VAT1L: variants seen among roughly 807,000 people sequenced by gnomAD.
VAT1L encodes putative NADPH-dependent quinone oxidoreductase VAT1L.
In VAT1L, 34 loss-of-function variants were observed where a neutral mutation model predicts 44.1. The ratio of observed to expected loss-of-function variants is 0.77; its 90% CI spans 0.59 to 1.03. The LOEUF (loss-of-function observed/expected upper bound fraction) is 1.03, where lower values mean the gene tolerates loss of function less well. Among genes scored for constraint, VAT1L ranks in the 50% least tolerant of loss-of-function variants. The pLI is 0.00. For synonymous variants in VAT1L, 253 were observed against 202.2 expected, an observed-to-expected ratio of 1.25 and a Z score of -2.13; for missense variants, 615 against 538.8, an observed-to-expected ratio of 1.14 and a Z score of -1.40.
chr16:77,827,818 C>A (rs919484574), intron 3 of VAT1L, among the ~76,000 whole-genome samples: 2 of 152,124 alleles, frequency 1.3e-5, no homozygotes, highest in Non-Finnish European at 2.9e-5. Context: ...TGGTGAAATG[C>A]AATAAACATC....
chr16:77,811,953 A>T (rs567378605), intron 1 of VAT1L, among the ~76,000 whole-genome samples: 1 of 152,164 alleles, frequency 6.6e-6, no homozygotes, highest in Non-Finnish European at 1.5e-5. Context: ...CAAACAGACG[A>T]TGAGAGCTGG....
chr16:77,911,830 G>A (rs1028182193), intron 7 of VAT1L, among the ~76,000 whole-genome samples: 22 of 152,220 alleles, frequency 1.4e-4, no homozygotes, highest in African/African-American at 5.1e-4. Context: ...TAGAACTCGG[G>A]AGGATGAGAA....
intron 1 of VAT1L, among the ~76,000 whole-genome samples, chr16:77,794,262 T>G (rs978705861): frequency 3.9e-5 from 6 of 152,170 alleles, no homozygotes; most frequent in African/African-American, 1.4e-4. Context: ...ACTGCTAAGA[T>G]TCAAAATTGC....
At chr16:77,844,845 C>T (rs11645362) in intron 3 of VAT1L, among the ~76,000 whole-genome samples, 5 of 144,148 alleles carry the variant, frequency 3.5e-5, no homozygotes, top group African/African-American at 7.7e-5. Context: ...ACGATAAATA[C>T]GTGTGTGTGC....
At chr16:77,957,678 T>A (rs1243853377) in intron 7 of VAT1L, among the ~76,000 whole-genome samples, 1 of 151,608 alleles carries the variant, frequency 6.6e-6, no homozygotes, top group African/African-American at 2.4e-5. Context: ...TGAGCTGAGA[T>A]CGGGCCACTG....
At chr16:77,972,704 C>T (rs1000731701) in intron 8 of VAT1L, among the ~76,000 whole-genome samples, 1 of 151,992 alleles carries the variant, frequency 6.6e-6, no homozygotes, top group Non-Finnish European at 1.5e-5. Flanking sequence ...TCGCTTGAAC[C>T]TGGGAGGCAG....
intron 7 of VAT1L, among the ~76,000 whole-genome samples, chr16:77,895,100 C>CCCCACACA (rs1555517699): frequency 6.9e-6 from 1 of 145,152 alleles, no homozygotes; most frequent in Non-Finnish European, 1.5e-5. Context: ...AGCCACTTGC[C>CCCCACACA]CACACACACA....
chr16:77,908,862 C>A (rs935286090), intron 7 of VAT1L, among the ~76,000 whole-genome samples: 1 of 151,960 alleles, frequency 6.6e-6, no homozygotes, highest in Non-Finnish European at 1.5e-5. Flanking sequence ...TGCAGTGAAC[C>A]GAGATGGCGC....
intron 3 of VAT1L, among the ~76,000 whole-genome samples, chr16:77,828,109 G>A (rs2016543372): frequency 6.6e-6 from 1 of 152,076 alleles, no homozygotes; most frequent in African/African-American, 2.4e-5. Flanking sequence ...AGAGATTTTT[G>A]GCAAAGTGCA....
At chr16:77,795,185 T>C (rs181810141) in intron 1 of VAT1L, among the ~76,000 whole-genome samples, 1 of 151,574 alleles carries the variant, frequency 6.6e-6, no homozygotes, top group African/African-American at 2.4e-5. Flanking sequence ...CACATACTTC[T>C]GTCTTCCCAT....
At chr16:77,886,727 T>A (rs1354818024) in intron 7 of VAT1L, among the ~76,000 whole-genome samples, 1 of 152,208 alleles carries the variant, frequency 6.6e-6, no homozygotes, top group African/African-American at 2.4e-5. Flanking sequence ...GGTAGCTGCC[T>A]GTCGTAATAA....
chr16:77,925,608 CAGG>C (rs2017657964), intron 7 of VAT1L, among the ~76,000 whole-genome samples: 1 of 152,172 alleles, frequency 6.6e-6, no homozygotes, highest in Non-Finnish European at 1.5e-5. Context: ...ATGAACTCAG[CAGG>C]AGATGAGACT....
chr16:77,895,462 C>T (rs1012751488), intron 7 of VAT1L, among the ~76,000 whole-genome samples: 1 of 152,082 alleles, frequency 6.6e-6, no homozygotes, highest in African/African-American at 2.4e-5. Context: ...AATACAATCA[C>T]AAGGGCCTAT....
chr16:77,892,828 G>A (rs2017282153), intron 7 of VAT1L: 4 of 845,676 alleles, frequency 4.7e-6, no homozygotes, highest in African/African-American at 1.7e-5. Context: ...AAGAAGGCAT[G>A]AATATTGTGG....
rs550935625 is a variant in VAT1L at position 77,860,740 on chromosome 16, G to T, written c.580-2008G>T. ...CTCTTTGCTTTATAAAATCTAGAAG[G>T]CAGGAGAATTAAACAAGTATCAATG... On this transcript the variant is annotated intron_variant, in intron 3 of 8. Coordinates refer to ENST00000302536, the MANE Select transcript of VAT1L (RefSeq NM_020927.3). 2.0e-5 allele frequency among the ~76,000 whole-genome samples: 3 copies of T among 152,242 alleles called. No individual in the cohort carries two copies. The East Asian group carries it at 5.8e-4, about 29-fold the overall frequency.
At chr16:77,854,082 C>A (rs984714004) in intron 3 of VAT1L, among the ~76,000 whole-genome samples, 3 of 151,830 alleles carry the variant, frequency 2.0e-5, no homozygotes, top group Non-Finnish European at 1.5e-5. Flanking sequence ...GAGCCAAGAT[C>A]GCACCACTGC....
At chr16:77,900,889 T>C (rs892532527) in intron 7 of VAT1L, among the ~76,000 whole-genome samples, 7 of 152,068 alleles carry the variant, frequency 4.6e-5, no homozygotes, top group Non-Finnish European at 1.0e-4. Context: ...CATGAGCCTT[T>C]ATGAGCAAAT....
At chr16:77,929,953 C>T (rs1019974755) in intron 7 of VAT1L, among the ~76,000 whole-genome samples, 31 of 152,120 alleles carry the variant, frequency 2.0e-4, no homozygotes, top group African/African-American at 7.5e-4. Flanking sequence ...GCGAGTTCTC[C>T]AAGTCACTGT....
At chr16:77,895,155 G>A (rs993206333) in intron 7 of VAT1L, among the ~76,000 whole-genome samples, 2 of 112,608 alleles carry the variant, frequency 1.8e-5, no homozygotes, top group Non-Finnish European at 3.7e-5. Context: ...TCTCCCAGCT[G>A]GCCTCATGTG....
Sources: allele counts gnomAD v4.1 joint callset (sites outside exome capture counted in the v4.1 genomes callset), GRCh38; gene constraint gnomAD v4.1.1; transcripts MANE v1.5; gene names NCBI Gene and HGNC (gene_info 2026-07-23, HGNC 2026-07-21).